The following BANK1 variants were observed in gnomAD, a reference collection of about 807,000 sequenced individuals.
The protein encoded by BANK1 is B-cell scaffold protein with ankyrin repeats.
A neutral mutation model predicts 94.5 loss-of-function variants in BANK1; 95 were observed. The observed-to-expected ratio is 1.00, with a 90% CI of 0.85 to 1.19. The LOEUF (loss-of-function observed/expected upper bound fraction) is 1.19. BANK1 is among the 50% of genes most tolerant of loss of function. The pLI is 0.00. For missense variants in BANK1, 987 were observed against 932.2 expected, an observed-to-expected ratio of 1.06 and a Z score of -0.77; for synonymous variants, 334 against 308.4, an observed-to-expected ratio of 1.08 and a Z score of -0.87.
At chr4:101,933,459 G>T (rs1015493424) in intron 7 of BANK1, among the ~76,000 whole-genome samples, 2 of 151,508 alleles carry the variant, frequency 1.3e-5, no homozygotes, top group African/African-American at 4.8e-5. Context: ...ATTACACAAG[G>T]GTTGTTATGT....
At chr4:101,886,556 A>C (rs550165188) in intron 5 of BANK1, among the ~76,000 whole-genome samples, 26 of 152,332 alleles carry the variant, frequency 1.7e-4, no homozygotes, top group East Asian at 5.8e-4. Context: ...TATATTTAAC[A>C]GTACGTTGTT....
Position 101,816,161 on chromosome 4 carries a change from G to A in BANK1, c.71-13647G>A, listed in dbSNP as rs185106782. On this transcript the variant is annotated intron_variant, in intron 1 of 16. Transcript: ENST00000322953. ...TTTCAGTGGGCATTTGTTGATCACC[G>A]ATGTGGTCAAAGGCTTGTTATGCAG... 1.1e-4 allele frequency among the ~76,000 whole-genome samples: 17 copies of A among 152,280 alleles called. No individual in the cohort carries two copies. In the East Asian group the frequency reaches 2.7e-3, roughly 24 times the overall value.
At chr4:101,961,183 A>G (rs2148918984) in intron 7 of BANK1, among the ~76,000 whole-genome samples, 1 of 152,340 alleles carries the variant, frequency 6.6e-6, no homozygotes, top group South Asian at 2.1e-4. Context: ...AATCTTACAT[A>G]ATGAACAGAA....
chr4:101,798,235 G>A (rs1725226246), intron 1 of BANK1, among the ~76,000 whole-genome samples: 1 of 152,162 alleles, frequency 6.6e-6, no homozygotes, highest in Non-Finnish European at 1.5e-5. Context: ...GTAAGGTGAT[G>A]GAGGCCATGG....
At chr4:101,799,155 G>T (rs1223351572) in intron 1 of BANK1, among the ~76,000 whole-genome samples, 2 of 152,126 alleles carry the variant, frequency 1.3e-5, no homozygotes, top group Non-Finnish European at 2.9e-5. Flanking sequence ...GTAAGGAAGG[G>T]ATCCAGTTTC....
rs554879448 is a variant in BANK1, at chr4:101,968,311, C to T, written c.1206+50122C>T. On this transcript the variant is annotated intron_variant, in intron 7 of 16. Transcript: ENST00000322953. ...CCACAAAATTGCTGGGAGGCATTTG[C>T]AGAGAAACTGTTAAACAGCCACAGG... Among the ~76,000 whole-genome samples the T allele has an allele frequency of 1.4e-4, 22 of 152,062 alleles. No homozygotes were observed. In the South Asian group the frequency reaches 3.5e-3, roughly 24 times the overall value.
chr4:101,876,028 TG>T (rs1184314478), intron 5 of BANK1, among the ~76,000 whole-genome samples: 1 of 151,104 alleles, frequency 6.6e-6, no homozygotes, highest in African/African-American at 2.4e-5. Context: ...AATGGAAGAG[TG>T]GGGAGGACTT....
intron 7 of BANK1, among the ~76,000 whole-genome samples, chr4:102,004,336 G>A (rs1040749249): frequency 6.6e-5 from 10 of 152,088 alleles, no homozygotes; most frequent in African/African-American, 2.4e-4. Flanking sequence ...TGAGGCATCA[G>A]GTAAATGAGG....
intron 2 of BANK1, among the ~76,000 whole-genome samples, chr4:101,842,948 T>C (rs566718744): frequency 6.6e-6 from 1 of 152,354 alleles, no homozygotes; most frequent in South Asian, 2.1e-4. Context: ...TGCAATTTAT[T>C]TTATTTGAAT....
intron 5 of BANK1, among the ~76,000 whole-genome samples, chr4:101,882,611 AAG>A (rs1728719046): frequency 6.6e-6 from 1 of 152,230 alleles, no homozygotes; most frequent in African/African-American, 2.4e-5. Flanking sequence ...AGGCAGGAGC[AAG>A]AGTTAGATTC....
At chr4:101,815,044 A>T (rs1273812296) in intron 1 of BANK1, among the ~76,000 whole-genome samples, 1 of 152,196 alleles carries the variant, frequency 6.6e-6, no homozygotes, top group African/African-American at 2.4e-5. Flanking sequence ...ATGACAAAGA[A>T]TAAGGGAAGG....
intron 7 of BANK1, among the ~76,000 whole-genome samples, chr4:101,993,944 T>G (rs896132860): frequency 6.6e-6 from 1 of 152,246 alleles, no homozygotes; most frequent in African/African-American, 2.4e-5. Flanking sequence ...TATTAGATAT[T>G]GTTGTCTTTG....
intron 7 of BANK1, among the ~76,000 whole-genome samples, chr4:101,931,762 T>C (rs941656418): frequency 6.6e-6 from 1 of 151,486 alleles, no homozygotes; most frequent in African/African-American, 2.4e-5. Flanking sequence ...GCTAGTTTAA[T>C]CATATCGTGT....
At chr4:102,043,715 A>G (rs1560705290) in intron 10 of BANK1, 124 bp from the exon 11 acceptor site, 3 of 552,010 alleles carry the variant, frequency 5.4e-6, no homozygotes, top group Non-Finnish European at 9.8e-6. Context: ...CTCAAAAGTA[A>G]TACAATTCAG....
At chr4:101,965,467 A>G (rs1036678032) in intron 7 of BANK1, among the ~76,000 whole-genome samples, 5 of 152,122 alleles carry the variant, frequency 3.3e-5, no homozygotes, top group Admixed American at 6.6e-5. Context: ...TAAAGAGTAC[A>G]GTACCATTAG....
intron 5 of BANK1, among the ~76,000 whole-genome samples, chr4:101,886,682 T>C (rs1728867234): frequency 6.6e-6 from 1 of 150,770 alleles, no homozygotes; most frequent in Non-Finnish European, 1.5e-5. Flanking sequence ...TGTCATTAAG[T>C]ATCTCCATTA....
At chr4:101,935,455 T>G (rs763982343) in intron 7 of BANK1, among the ~76,000 whole-genome samples, 3 of 151,566 alleles carry the variant, frequency 2.0e-5, no homozygotes, top group Non-Finnish European at 4.4e-5. Context: ...GTTAATGTCT[T>G]AACCCAAGAC....
At position 102,025,429 on chromosome 4, in the gene BANK1, T is replaced by G; in HGVS notation, c.1514T>G (p.Met505Arg). ...GAAAATAATTCACAAGAGCCACTCATGAGCAGCAGACCTCCTCTCCCCCCG... is the reference window on the plus strand; with the variant it reads ...GAAAATAATTCACAAGAGCCACTCAGGAGCAGCAGACCTCCTCTCCCCCCG... ...DPENNSQEPL[M>R]SSRPPLPPPR... Residue 505 changes from methionine to arginine, a missense_variant, in exon 9 of 17, where the codon ATG (methionine) becomes AGG (arginine). Met to Arg is a moderately conservative substitution (Grantham distance 91). Transcript: ENST00000322953. 6.2e-7 allele frequency: 1 copy of G among 1,614,140 alleles called. No individual in the cohort carries two copies. Among genetic ancestry groups the G allele is most frequent in the Non-Finnish European group, 8.5e-7 (1 of 1,180,024 alleles).
intron 11 of BANK1, among the ~76,000 whole-genome samples, chr4:102,045,110 C>A (rs1727835641): frequency 6.6e-6 from 1 of 152,222 alleles, no homozygotes; most frequent in South Asian, 2.1e-4. Context: ...CTTGCCCATG[C>A]CTATGTCCTG....
Sources: allele counts gnomAD v4.1 joint callset (sites outside exome capture counted in the v4.1 genomes callset), GRCh38; gene constraint gnomAD v4.1.1; transcripts MANE v1.5; gene names NCBI Gene and HGNC (gene_info 2026-07-23, HGNC 2026-07-21).